SRD5A1: variants seen among roughly 807,000 people sequenced by gnomAD.
The protein encoded by SRD5A1 is 3-oxo-5-alpha-steroid 4-dehydrogenase 1.
In SRD5A1, 22 loss-of-function variants were observed where a neutral mutation model predicts 28.2. That is an observed-to-expected ratio of 0.78 (90% CI 0.56 to 1.12). SRD5A1 has a LOEUF of 1.12. Among genes scored for constraint, SRD5A1 ranks in the 50% most tolerant of loss-of-function variants. SRD5A1 has a pLI of 0.00. For missense variants in SRD5A1, 300 were observed against 346.7 expected (o/e 0.87, Z 1.07); for synonymous variants, 151 against 135.0 (o/e 1.12, Z -0.82).
intron 1 of SRD5A1, among the ~76,000 whole-genome samples, chr5:6,641,984 G>A (rs546550411): frequency 1.3e-5 from 2 of 152,326 alleles, no homozygotes; most frequent in East Asian, 3.9e-4. Context: ...GCCAGGTAGT[G>A]CATATCTTAG....
intron 1 of SRD5A1, among the ~76,000 whole-genome samples, chr5:6,636,722 G>A (rs899486779): frequency 2.6e-5 from 4 of 152,212 alleles, no homozygotes; most frequent in Non-Finnish European, 5.9e-5. Flanking sequence ...GGAATGGTGC[G>A]CTTTCATGTA....
intron 1 of SRD5A1, among the ~76,000 whole-genome samples, chr5:6,643,529 A>T (rs1738422571): frequency 6.6e-6 from 1 of 152,122 alleles, no homozygotes; most frequent in South Asian, 2.1e-4. Context: ...AGTCACAGCC[A>T]TCTACCTGCC....
chr5:6,661,699 A>C (rs1445546498), intron 3 of SRD5A1, among the ~76,000 whole-genome samples: 6 of 151,612 alleles, frequency 4.0e-5, no homozygotes, highest in Non-Finnish European at 2.9e-5. Context: ...CACCTGGCTG[A>C]TTTTTGTATT....
At chr5:6,652,530 C>A (rs1738709401) in intron 2 of SRD5A1, among the ~76,000 whole-genome samples, 1 of 151,796 alleles carries the variant, frequency 6.6e-6, no homozygotes, top group African/African-American at 2.4e-5. Flanking sequence ...AAGTTCTAAG[C>A]AAAAATGAAA....
At chr5:6,644,574 G>A (rs1422785124) in intron 1 of SRD5A1, among the ~76,000 whole-genome samples, 1 of 152,068 alleles carries the variant, frequency 6.6e-6, no homozygotes, top group Admixed American at 6.6e-5. Context: ...GCTTGCTCTT[G>A]GTACTTCTCA....
At chr5:6,647,408 T>C (rs1738539250) in intron 1 of SRD5A1, among the ~76,000 whole-genome samples, 1 of 152,188 alleles carries the variant, frequency 6.6e-6, no homozygotes, top group African/African-American at 2.4e-5. Flanking sequence ...TGTGTGGGAG[T>C]CTAAGTCTCT....
intron 3 of SRD5A1, among the ~76,000 whole-genome samples, chr5:6,657,062 T>C (rs1157309233): frequency 6.6e-6 from 1 of 152,228 alleles, no homozygotes; most frequent in Non-Finnish European, 1.5e-5. Flanking sequence ...AGAAAAAATT[T>C]TTTAAAGTAC....
chr5:6,664,377 G>C (rs868229412), intron 4 of SRD5A1, among the ~76,000 whole-genome samples: 3 of 152,114 alleles, frequency 2.0e-5, no homozygotes, highest in Non-Finnish European at 4.4e-5. Flanking sequence ...GAGATAAGAA[G>C]AAGAAAGGTC....
At chr5:6,652,149 G>A (rs1485700057) in intron 2 of SRD5A1, 141 bp downstream of exon 2, 4 of 947,196 alleles carry the variant, frequency 4.2e-6, no homozygotes, top group Non-Finnish European at 6.0e-6. Context: ...GGAGTCCCAT[G>A]GGAGAGCCCA....
At chr5:6,650,058 GTCTT>G (rs1359692289) in intron 1 of SRD5A1, among the ~76,000 whole-genome samples, 1 of 152,068 alleles carries the variant, frequency 6.6e-6, no homozygotes, top group Non-Finnish European at 1.5e-5. Flanking sequence ...TATTCATGTT[GTCTT>G]TCTTTCTTCT....
rs1192754560 is a variant in SRD5A1 at position 6,669,774 on chromosome 5, C to A, written c.*1506C>A. ...TTCCAGTTAAATCTGATGAGCTGAA[C>A]ATACACCTTTCCTTCTCCCCTCTCT... On this transcript the variant is annotated 3_prime_UTR_variant, in exon 5 of 5. Coordinates refer to ENST00000274192, the MANE Select transcript of SRD5A1 (RefSeq NM_001047.4). 6.6e-6 allele frequency: 1 copy of A among 152,230 alleles called. No homozygotes were observed. The highest frequency in any genetic ancestry group is 1.9e-4 in the East Asian group (1 of 5,208). 9.4% of individuals were successfully genotyped at this position (152,230 alleles called of 1,614,324 possible).
At chr5:6,645,357 G>A (rs1738479507) in intron 1 of SRD5A1, 2 of 195,420 alleles carry the variant, frequency 1.0e-5, no homozygotes, top group Non-Finnish European at 2.1e-5. Flanking sequence ...TCTGTAATTT[G>A]GGCTGGTCGC....
intron 2 of SRD5A1, 75 bp from the exon 3 acceptor site, chr5:6,656,003 T>G: frequency 9.4e-7 from 1 of 1,062,636 alleles, no homozygotes; most frequent in South Asian, 1.3e-5. Context: ...AATAATACTG[T>G]TCAGTCAGGC....
chr5:6,665,691 G>A (rs953763507), intron 4 of SRD5A1, among the ~76,000 whole-genome samples: 1 of 151,972 alleles, frequency 6.6e-6, no homozygotes, highest in African/African-American at 2.4e-5. Flanking sequence ...TAACACTGAC[G>A]TTTAAAAAAA....
chr5:6,645,179 T>C (rs1488878599), intron 1 of SRD5A1: 4 of 364,342 alleles, frequency 1.1e-5, no homozygotes, highest in African/African-American at 4.2e-5. Context: ...ACAGCCAGCA[T>C]GACACTACTA....
At chr5:6,654,467 C>G (rs1316453796) in intron 2 of SRD5A1, among the ~76,000 whole-genome samples, 2 of 149,826 alleles carry the variant, frequency 1.3e-5, no homozygotes, top group Non-Finnish European at 3.0e-5. Flanking sequence ...CTTGAGGCAG[C>G]CTGTCATCCA....
rs1261354297 is a variant in SRD5A1, at chr5:6,669,089, T to C, written c.*821T>C. On this transcript the variant is annotated 3_prime_UTR_variant, in exon 5 of 5. Transcript: ENST00000274192. The stretch of plus-strand genomic sequence containing the variant: ...TCTAGACCTAGTTTTTTTGTTCTGT[T>C]CCCCACGTATGGATATAGTAGAGAT... The C allele has an allele frequency of 6.6e-6, 1 of 152,230 alleles. No homozygotes were observed. Among genetic ancestry groups the C allele is most frequent in the African/African-American group, 2.4e-5 (1 of 41,462 alleles). 9.4% of individuals were successfully genotyped at this position (152,230 alleles called of 1,614,324 possible). A position where few individuals can be genotyped will look rare whatever the true frequency, so the allele number is the denominator to read the frequency against.
In SRD5A1 at chr5:6,672,597, A is replaced by G. The variant is rs1161196084; in HGVS notation, c.*4329A>G. On this transcript the variant is annotated 3_prime_UTR_variant, in exon 5 of 5. Coordinates refer to ENST00000274192, the MANE Select transcript of SRD5A1 (RefSeq NM_001047.4). ...GCCCAACTGTTGCATTATTATTTGC[A>G]AATGTTGGCTATCCCTGCTGTTGTC... 2 of 152,180 alleles carry G rather than the reference A, an allele frequency of 1.3e-5. No homozygotes were observed. The highest frequency in any genetic ancestry group is 4.8e-5 in the African/African-American group (2 of 41,430). 9.4% of individuals were successfully genotyped at this position (152,180 alleles called of 1,614,324 possible). A position where few individuals can be genotyped will look rare whatever the true frequency, so the allele number is the denominator to read the frequency against.
In SRD5A1 at chr5:6,673,039, C is replaced by CG. The variant is rs1739406270; in HGVS notation, c.*4774dup. 1 of 152,124 alleles carries CG rather than the reference C, an allele frequency of 6.6e-6. No homozygotes were observed. The highest frequency in any genetic ancestry group is 2.1e-4 in the South Asian group (1 of 4,826). The allele number at this position is 152,124 out of a possible 1,614,324, so 9.4% of individuals were successfully genotyped here. ...TCTGCTCTCAAAGGCTTCACGTAGCCGGGAAAACTCCGTTCCCAATTCAGA... is the reference window on the plus strand; with the variant it reads ...TCTGCTCTCAAAGGCTTCACGTAGCCGGGGAAAACTCCGTTCCCAATTCAGA... On this transcript the variant is annotated 3_prime_UTR_variant, in exon 5 of 5. Coordinates refer to ENST00000274192, the MANE Select transcript of SRD5A1 (RefSeq NM_001047.4).
Sources: gnomAD v4.1 joint callset for allele counts (sites outside exome capture counted in the v4.1 genomes callset) on GRCh38, gnomAD v4.1.1 for gene constraint, MANE v1.5 for transcripts, NCBI Gene and HGNC (gene_info 2026-07-23, HGNC 2026-07-21) for gene names.